The following MYL5 variants were observed in gnomAD, a reference collection of about 807,000 sequenced individuals.
MYL5 encodes myosin light chain 5, also known as myosin regulatory light chain 5.
MYL5 carries 28 observed loss-of-function variants against 20.8 expected under a neutral mutation model. The observed-to-expected ratio is 1.35, with a 90% confidence interval of 1.00 to 1.84. The LOEUF is 1.84. Among genes scored for constraint, MYL5 ranks in the 40% most tolerant of loss-of-function variants. The pLI is 0.00. For missense variants in MYL5, 274 were observed against 227.3 expected (o/e 1.21, Z -1.32); for synonymous variants, 118 against 87.4 (o/e 1.35, Z -1.95).
At chr4:677,247 T>G (rs1447896153), upstream of MYL5, among the ~76,000 whole-genome samples, 1 of 152,122 alleles carries the variant, frequency 6.6e-6, no homozygotes, top group Non-Finnish European at 1.5e-5. Flanking sequence ...CTCCCACCCC[T>G]TGAACCAGGG....
At chr4:679,359 C>T (rs540271621) in intron 3 of MYL5, among the ~76,000 whole-genome samples, 229 of 136,346 alleles carry the variant, frequency 1.7e-3, no homozygotes, top group African/African-American at 6.5e-3. Flanking sequence ...CAGGCAGGAC[C>T]ACAGAGCTGA....
At chr4:680,192 G>A (rs753771256) in intron 4 of MYL5, among the ~76,000 whole-genome samples, 174 bp downstream of exon 6, 43 of 152,246 alleles carry the variant, frequency 2.8e-4, no homozygotes, top group Non-Finnish European at 5.0e-4. Flanking sequence ...ATGTGCTCAG[G>A]CCCGCCCTCC....
At chr4:679,711 T>C (rs1739249046) in intron 3 of MYL5, among the ~76,000 whole-genome samples, 1 of 152,162 alleles carries the variant, frequency 6.6e-6, no homozygotes, top group Non-Finnish European at 1.5e-5. Flanking sequence ...CCTCAGCACT[T>C]AGTCCTGGGG....
chr4:678,566 C>A, intron 1 of MYL5, 92 bp from the exon 4 acceptor site: 2 of 1,514,844 alleles, frequency 1.3e-6, no homozygotes, highest in Non-Finnish European at 1.8e-6. Context: ...GAGGTCCACC[C>A]TTCATCTGAG....
chr4:679,463 G>T (rs1739220866), intron 3 of MYL5, among the ~76,000 whole-genome samples: 1 of 152,026 alleles, frequency 6.6e-6, no homozygotes, highest in Non-Finnish European at 1.5e-5. Context: ...CGAGTGTGGT[G>T]GGGCACACTG....
chr4:678,555 T>C (rs1739093371), intron 1 of MYL5, 103 bp from the exon 4 acceptor site: 2 of 1,489,866 alleles, frequency 1.3e-6, no homozygotes, highest in Non-Finnish European at 1.8e-6. Flanking sequence ...CCCGAAGGGC[T>C]GAGGTCCACC....
exon 1 of MYL5, chr4:678,017 A>G (rs767085592): frequency 2.5e-6 from 4 of 1,612,544 alleles, no homozygotes; most frequent in Non-Finnish European, 3.4e-6. Flanking sequence ...CAAAGCAGGC[A>G]GAAGCAGGCA....
chr4:678,477 T>C lies in MYL5; in HGVS notation c.4-181T>C, dbSNP rs72613111. 0.02 allele frequency: 28,094 copies of C among 1,435,680 alleles called. 1,547 individuals are homozygous for C. The East Asian group carries it at 0.23, about 12-fold the overall frequency. The allele number at this position is 1,435,680 out of a possible 1,614,324, so 88.9% of individuals were successfully genotyped here. A position where few individuals can be genotyped will look rare whatever the true frequency, so the allele number is the denominator to read the frequency against. ...TGCTGAAGCCAGACACCTGCAGCCG[T>C]CCTGCCCCCAACCCCAGCTACCCAG... is the stretch of plus-strand genomic sequence containing the variant. On this transcript the variant is annotated intron_variant, in intron 1 of 6. Coordinates refer to ENST00000400159, the Ensembl canonical transcript of MYL5.
chr4:676,984 C>G, upstream of MYL5: 8 of 959,128 alleles, frequency 8.3e-6, no homozygotes, highest in African/African-American at 1.8e-5. Context: ...GGTAGGACCT[C>G]TGCTCAAGAG....
At chr4:677,111 G>A (rs1560151619), upstream of MYL5, among the ~76,000 whole-genome samples, 1 of 152,182 alleles carries the variant, frequency 6.6e-6, no homozygotes, top group Non-Finnish European at 1.5e-5. Flanking sequence ...AGCACCGAGG[G>A]GCAGGTGCCC....
intron 1 of MYL5, 111 bp downstream of exon 3, chr4:678,140 C>T: frequency 6.4e-7 from 1 of 1,555,286 alleles, no homozygotes; most frequent in Non-Finnish European, 8.7e-7. Context: ...CGTGTGAATG[C>T]AGGTGTGGGC....
upstream of MYL5, chr4:676,995 A>G (rs1282192113): frequency 1.1e-6 from 1 of 914,056 alleles, no homozygotes; most frequent in Admixed American, 6.2e-5. Context: ...TGCTCAAGAG[A>G]CATGCAAGTG....
At chr4:678,263 T>C in intron 1 of MYL5, 4 of 1,467,360 alleles carry the variant, frequency 2.7e-6, no homozygotes, top group Non-Finnish European at 3.6e-6. Flanking sequence ...GTTGCTCTCC[T>C]GGTGAGAGTC....
intron 1 of MYL5, chr4:678,437 C>A: frequency 7.0e-7 from 1 of 1,425,670 alleles, no homozygotes; most frequent in South Asian, 1.5e-5. Flanking sequence ...GCCACTGTCC[C>A]TCCCCCAGTC....
At chr4:681,200 C>T (rs1739454105) in intron 6 of MYL5, 60 bp downstream of exon 8, 1 of 1,560,196 alleles carries the variant, frequency 6.4e-7, no homozygotes, top group Non-Finnish European at 8.7e-7. Context: ...CCGGGGTCAG[C>T]TGGGTGGAGG....
At position 681,085 on chromosome 4, in the gene MYL5, TC is replaced by T. The variant is rs1739437789; in HGVS notation, c.372-5del. The T allele has an allele frequency of 1.3e-6, 2 of 1,598,490 alleles. No individual in the cohort carries two copies. Among genetic ancestry groups the T allele is most frequent in the Non-Finnish European group, 1.7e-6 (2 of 1,173,294 alleles). ...CAGCCCGCGCTGACCCCTTTCCTCG[TC>T]CTCAGCATCAAGCGTCTGCTGATGT... On this transcript the variant is annotated splice_region_variant and splice_polypyrimidine_tract_variant and intron_variant, in intron 5 of 6. Transcript: ENST00000400159.
At chr4:678,058 C>T in intron 1 of MYL5, 29 bp downstream of exon 3, 1 of 1,612,560 alleles carries the variant, frequency 6.2e-7, no homozygotes, top group Non-Finnish European at 8.5e-7. Context: ...ATGCCTGGGG[C>T]AGGCGTGTGG....
exon 3 of MYL5, chr4:679,003 G>A (rs1216174398): frequency 1.2e-6 from 2 of 1,613,698 alleles, no homozygotes; most frequent in Non-Finnish European, 1.7e-6. Context: ...CATTGACAAG[G>A]AGGACCTGAA....
At chr4:680,109 T>C in intron 4 of MYL5, 91 bp downstream of exon 6, 1 of 1,256,706 alleles carries the variant, frequency 8.0e-7, no homozygotes, top group South Asian at 1.4e-5. Context: ...TCTTTTCCAA[T>C]CTCTGGAGAA....
Sources: allele counts gnomAD v4.1 joint callset (sites outside exome capture counted in the v4.1 genomes callset), GRCh38; gene constraint gnomAD v4.1.1; transcripts MANE v1.5; gene names NCBI Gene and HGNC (gene_info 2026-07-23, HGNC 2026-07-21).